The following NPAS3 variants were observed in gnomAD, a reference collection of about 807,000 sequenced individuals.
The protein encoded by NPAS3 is neuronal PAS domain-containing protein 3.
In NPAS3, 14 loss-of-function variants were observed where a neutral mutation model predicts 73.1. That is an observed-to-expected ratio of 0.19 (90% confidence interval 0.13 to 0.30). NPAS3 has a LOEUF of 0.30. NPAS3 is among the 10% of genes least tolerant of loss of function. NPAS3 has a pLI of 1.00. For missense variants in NPAS3, 1,096 were observed against 1,250.0 expected (o/e 0.88, Z 1.86); for synonymous variants, 620 against 541.5 (o/e 1.14, Z -2.01).
intron 4 of NPAS3, among the ~76,000 whole-genome samples, chr14:33,397,140 G>C (rs2047258859): frequency 6.6e-6 from 1 of 152,040 alleles, no homozygotes; most frequent in African/African-American, 2.4e-5. Flanking sequence ...ACACCTAAGA[G>C]GCCAGTTTGG....
rs373514655 is a variant in NPAS3, at chr14:32,986,945, G to A, written c.50+47579G>A. 2.6e-5 allele frequency among the ~76,000 whole-genome samples: 4 copies of A among 152,180 alleles called. No individual in the cohort carries two copies. In the South Asian group the frequency reaches 8.3e-4, roughly 32 times the overall value. On this transcript the variant is annotated intron_variant, in intron 1 of 11. Transcript: ENST00000356141. ...AGCTTTTCTGTGGCGCTGCCCCGCG[G>A]TGCTGAGAATAAGTTATGAATGCTG...
chr14:33,690,431 A>G (rs1333935596), intron 6 of NPAS3, among the ~76,000 whole-genome samples: 2 of 152,128 alleles, frequency 1.3e-5, no homozygotes, highest in African/African-American at 4.8e-5. Context: ...ATGAGATGTT[A>G]ATGACTTTTA....
At chr14:32,999,993 T>C (rs750976609) in intron 1 of NPAS3, among the ~76,000 whole-genome samples, 10 of 152,116 alleles carry the variant, frequency 6.6e-5, no homozygotes, top group Non-Finnish European at 1.3e-4. Context: ...AATGCTACAA[T>C]TGACATTTAT....
chr14:32,953,490 G>T (rs536455969), intron 1 of NPAS3, among the ~76,000 whole-genome samples: 1 of 152,122 alleles, frequency 6.6e-6, no homozygotes, highest in Admixed American at 6.6e-5. Context: ...CAGTGAATGG[G>T]CTTCAGGAAA....
At chr14:33,321,848 T>C (rs985540982) in intron 3 of NPAS3, among the ~76,000 whole-genome samples, 1 of 152,162 alleles carries the variant, frequency 6.6e-6, no homozygotes, top group Non-Finnish European at 1.5e-5. Context: ...TGGAAAGTTC[T>C]TAAGACACAG....
At chr14:33,008,999 T>G (rs2039093837) in intron 1 of NPAS3, among the ~76,000 whole-genome samples, 1 of 152,206 alleles carries the variant, frequency 6.6e-6, no homozygotes, top group African/African-American at 2.4e-5. Flanking sequence ...TAATTTAGCA[T>G]CATATTGTTT....
At chr14:33,470,949 G>A (rs200724280) in intron 4 of NPAS3, among the ~76,000 whole-genome samples, 3 of 120,070 alleles carry the variant, frequency 2.5e-5, no homozygotes, top group African/African-American at 8.4e-5. Flanking sequence ...AAAAAAAAAA[G>A]AATGTTCTCT....
intron 2 of NPAS3, among the ~76,000 whole-genome samples, chr14:33,164,636 C>T (rs2045050851): frequency 6.6e-6 from 1 of 152,092 alleles, no homozygotes; most frequent in Non-Finnish European, 1.5e-5. Flanking sequence ...ATACCAGATA[C>T]TTTACTAAGT....
chr14:33,238,069 G>C (rs552988883), intron 3 of NPAS3, among the ~76,000 whole-genome samples: 2 of 151,898 alleles, frequency 1.3e-5, no homozygotes. Flanking sequence ...ATGAACTAAC[G>C]TGTTTTGGGA....
At chr14:32,973,126 A>T (rs1040508402) in intron 1 of NPAS3, among the ~76,000 whole-genome samples, 3 of 152,160 alleles carry the variant, frequency 2.0e-5, no homozygotes, top group Non-Finnish European at 4.4e-5. Context: ...AATGGTGATT[A>T]AGATTTGAAT....
intron 10 of NPAS3, 74 bp from the exon 11 acceptor site, chr14:33,797,383 T>A: frequency 6.6e-7 from 1 of 1,511,080 alleles, no homozygotes; most frequent in Non-Finnish European, 9.0e-7. Flanking sequence ...GACAAAGAAG[T>A]GGGGGAGAAG....
chr14:33,803,649 A>AT (rs895477441), downstream of NPAS3: 1 of 151,400 alleles, frequency 6.6e-6, no homozygotes, highest in Non-Finnish European at 1.5e-5. Flanking sequence ...ATTTCTGGTG[A>AT]TTTAAACTAA....
chr14:33,083,890 C>G (rs1953435), intron 2 of NPAS3, among the ~76,000 whole-genome samples: 65,149 of 151,912 alleles, frequency 0.43, 15,395 homozygotes, highest in African/African-American at 0.64. Flanking sequence ...TCTCCTTTTT[C>G]CTAGAAGACC....
chr14:33,732,158 T>C (rs952695620), intron 6 of NPAS3, among the ~76,000 whole-genome samples: 7 of 152,218 alleles, frequency 4.6e-5, no homozygotes, highest in Admixed American at 4.6e-4. Flanking sequence ...GCACTATTCC[T>C]AAGGAGGCTT....
At chr14:33,466,490 GA>G (rs1215909112) in intron 4 of NPAS3, among the ~76,000 whole-genome samples, 1 of 152,202 alleles carries the variant, frequency 6.6e-6, no homozygotes, top group Non-Finnish European at 1.5e-5. Context: ...TGCCTTTTGA[GA>G]AGACGTGGGA....
intron 1 of NPAS3, among the ~76,000 whole-genome samples, chr14:32,940,722 C>A (rs1398627155): frequency 6.6e-6 from 1 of 152,140 alleles, no homozygotes; most frequent in Non-Finnish European, 1.5e-5. Flanking sequence ...TAATATTTAA[C>A]CTATAGCTTA....
intron 1 of NPAS3, among the ~76,000 whole-genome samples, chr14:32,951,810 GTTAT>G (rs1369761616): frequency 1.3e-5 from 2 of 151,986 alleles, no homozygotes; most frequent in African/African-American, 4.8e-5. Flanking sequence ...AACTACAACA[GTTAT>G]TTATTTCTTT....
rs576968264 is a variant in NPAS3 at position 33,751,035 on chromosome 14, G to A, written c.852+15703G>A. On this transcript the variant is annotated intron_variant, in intron 7 of 11. Coordinates refer to ENST00000356141, the Ensembl canonical transcript of NPAS3. ...AAGAGATGAAGGCATCAAGTGTAGTGAGCAGAAAGAAATCTGGGTATCAGG... is the reference window on the plus strand; with the variant it reads ...AAGAGATGAAGGCATCAAGTGTAGTAAGCAGAAAGAAATCTGGGTATCAGG... 4.6e-5 allele frequency among the ~76,000 whole-genome samples: 7 copies of A among 152,260 alleles called. No homozygotes were observed. In the East Asian group the frequency reaches 1.2e-3, roughly 25 times the overall value.
chr14:33,428,490 G>A (rs1006878828), intron 4 of NPAS3, among the ~76,000 whole-genome samples: 5 of 152,010 alleles, frequency 3.3e-5, no homozygotes, highest in African/African-American at 1.2e-4. Context: ...TTCAAATAAA[G>A]TAGTGTAAAT....
Sources: gnomAD v4.1 joint callset for allele counts (sites outside exome capture counted in the v4.1 genomes callset) on GRCh38, gnomAD v4.1.1 for gene constraint, MANE v1.5 for transcripts, NCBI Gene and HGNC (gene_info 2026-07-23, HGNC 2026-07-21) for gene names.